DGKG: variants seen among roughly 807,000 people sequenced by gnomAD.
DGKG encodes the protein diacylglycerol kinase gamma.
DGKG carries 78 observed loss-of-function variants against 105.3 expected under a neutral mutation model. The observed-to-expected ratio is 0.74, with a 90% CI of 0.62 to 0.89. The LOEUF (loss-of-function observed/expected upper bound fraction) is 0.89, where lower values mean the gene tolerates loss of function less well. Among genes scored for constraint, DGKG ranks in the 40% least tolerant of loss-of-function variants. DGKG has a pLI of 0.00. For synonymous variants in DGKG, 346 were observed against 367.1 expected (o/e 0.94, Z 0.66); for missense variants, 958 against 1,020.1 (o/e 0.94, Z 0.83).
chr3:186,327,777 A>G (rs1344751237), intron 1 of DGKG, among the ~76,000 whole-genome samples: 1 of 151,970 alleles, frequency 6.6e-6, no homozygotes, highest in Non-Finnish European at 1.5e-5. Flanking sequence ...TTTTTCACCA[A>G]TCAATACATC....
In DGKG at chr3:186,215,526, A is replaced by G. The variant is rs947536940; in HGVS notation, c.1827-3641T>C. Among the ~76,000 whole-genome samples the G allele has an allele frequency of 6.6e-5, 10 of 152,136 alleles. No homozygotes were observed. The South Asian group carries it at 2.1e-3, about 32-fold the overall frequency. On this transcript the variant is annotated intron_variant, in intron 20 of 24. Coordinates refer to ENST00000265022, the MANE Select transcript of DGKG (RefSeq NM_001346.3). ...ATCAGACTTAGGTTTTTTAAAGATCATTCTGTTCCATGTGTGGAGAAGGGA... is the reference window on the plus strand; with the variant it reads ...ATCAGACTTAGGTTTTTTAAAGATCGTTCTGTTCCATGTGTGGAGAAGGGA...
chr3:186,201,139 GT>G (rs1291143805), intron 21 of DGKG, among the ~76,000 whole-genome samples: 1 of 151,802 alleles, frequency 6.6e-6, no homozygotes, highest in Non-Finnish European at 1.5e-5. Context: ...CTCCCCAGGT[GT>G]TTTTTTCTCT....
rs747526080 is a variant in DGKG, at chr3:186,188,333, A to G, written c.1964T>C (p.Ile655Thr). Residue 655 changes from isoleucine to threonine, a missense_variant, in exon 22 of 25, where the codon ATT (isoleucine) becomes ACT (threonine). Around this residue, in one of 2 missense-constraint regions of DGKG, gnomAD observed 315 missense variants for 400.6 expected, o/e 0.79. Coordinates refer to ENST00000265022, the MANE Select transcript of DGKG (RefSeq NM_001346.3). ...CATGCTGGGAATGTTGAGAATGGCAATGCCTTCCAGGAAGATGTTGCTCAG... is the reference window on the plus strand; with the variant it reads ...CATGCTGGGAATGTTGAGAATGGCAGTGCCTTCCAGGAAGATGTTGCTCAG... ...VDLSNIFLEG[I>T]AILNIPSMYG... 1.2e-6 allele frequency: 2 copies of G among 1,614,126 alleles called. No individual in the cohort carries two copies. The highest frequency in any genetic ancestry group is 2.2e-5 in the East Asian group (1 of 44,882).
At chr3:186,154,492 A>T (rs1007942334) in intron 24 of DGKG, among the ~76,000 whole-genome samples, 5 of 151,974 alleles carry the variant, frequency 3.3e-5, no homozygotes, top group African/African-American at 9.7e-5. Context: ...AAAAAATACA[A>T]AAATTAGCCA....
Position 186,188,266 on chromosome 3 carries a change from C to T in DGKG, c.2031G>A (p.Arg677=). Residue 677 remains arginine (R), a synonymous_variant, in exon 22 of 25, where the codon CGG becomes CGA. Coordinates refer to ENST00000265022, the MANE Select transcript of DGKG (RefSeq NM_001346.3). The part of the protein sequence containing the change: ...TNLWGENKKN[R]AVIRESRKGV... ...CCTTCCTGCTTTCCCGGATCACAGC[C>T]CGGTTCTTCTTGTTTTCTCCCCAGA... 6.2e-7 allele frequency: 1 copy of T among 1,614,140 alleles called. No individual in the cohort carries two copies. Among genetic ancestry groups the T allele is most frequent in the Admixed American group, 1.7e-5 (1 of 60,022 alleles).
intron 20 of DGKG, among the ~76,000 whole-genome samples, chr3:186,232,158 T>C (rs548365795): frequency 6.6e-6 from 1 of 152,326 alleles, no homozygotes; most frequent in South Asian, 2.1e-4. Context: ...GGTAATGGTA[T>C]CTTTAAAACA....
At chr3:186,235,215 T>C (rs1232455479) in intron 20 of DGKG, among the ~76,000 whole-genome samples, 2 of 152,208 alleles carry the variant, frequency 1.3e-5, no homozygotes, top group Admixed American at 6.5e-5. Context: ...GCACAAAACA[T>C]AAGGTTTGTA....
intron 24 of DGKG, among the ~76,000 whole-genome samples, chr3:186,152,450 G>A (rs1715807120): frequency 6.6e-6 from 1 of 151,800 alleles, no homozygotes; most frequent in Non-Finnish European, 1.5e-5. Context: ...CCTGTGGTCA[G>A]CCTTCTCTCA....
At chr3:186,344,899 A>G (rs1052584497) in intron 1 of DGKG, among the ~76,000 whole-genome samples, 2 of 152,214 alleles carry the variant, frequency 1.3e-5, no homozygotes, top group South Asian at 2.1e-4. Context: ...AATAAATTTT[A>G]TTATGTGCTT....
In DGKG at chr3:186,223,011, CTATATATA is replaced by C. The variant is rs55753193; in HGVS notation, c.1827-11134_1827-11127del. Among the ~76,000 whole-genome samples, 26 of 80,524 alleles carry C rather than the reference CTATATATA, an allele frequency of 3.2e-4. 3 individuals are homozygous for C. The East Asian group carries it at 7.2e-3, about 22-fold the overall frequency. 52.8% of individuals were successfully genotyped at this position (80,524 alleles called of 152,430 possible). A position where few individuals can be genotyped will look rare whatever the true frequency, so the allele number is the denominator to read the frequency against. On this transcript the variant is annotated intron_variant, in intron 20 of 24. Coordinates refer to ENST00000265022, the MANE Select transcript of DGKG (RefSeq NM_001346.3). ...AAGAATACACACACGTGTATGTATA[CTATATATA>C]TATATATATATATATGTCTCATGAT...
chr3:186,320,552 G>C lies in DGKG; in HGVS notation c.-93C>G. On this transcript the variant is annotated 5_prime_UTR_variant, in exon 2 of 25. Transcript: ENST00000265022. ...CCAGCCCAGGGCCTGGCTCATTGCA[G>C]GTTTGCGATGTAAGCCTTTCAGGAG... 1 of 1,601,662 alleles carries C rather than the reference G, an allele frequency of 6.2e-7. No homozygotes were observed. The highest frequency in any genetic ancestry group is 8.5e-7 in the Non-Finnish European group (1 of 1,173,084).
chr3:186,198,826 C>G (rs1718306522), intron 21 of DGKG, among the ~76,000 whole-genome samples: 1 of 152,196 alleles, frequency 6.6e-6, no homozygotes, highest in Non-Finnish European at 1.5e-5. Flanking sequence ...GGGCAAACAA[C>G]AATATCTGTT....
At chr3:186,245,394 A>G (rs1320060078) in intron 19 of DGKG, among the ~76,000 whole-genome samples, 1 of 152,210 alleles carries the variant, frequency 6.6e-6, no homozygotes, top group Non-Finnish European at 1.5e-5. Flanking sequence ...GATTAAAAAG[A>G]GAGTCGAGAT....
intron 11 of DGKG, among the ~76,000 whole-genome samples, chr3:186,269,261 C>T (rs1448477149): frequency 6.6e-6 from 1 of 152,368 alleles, no homozygotes; most frequent in African/African-American, 2.4e-5. Flanking sequence ...TATGCGCCCT[C>T]TTCTGGAAGG....
chr3:186,198,069 A>G (rs895401482), intron 21 of DGKG, among the ~76,000 whole-genome samples: 4 of 152,228 alleles, frequency 2.6e-5, no homozygotes, highest in African/African-American at 9.7e-5. Flanking sequence ...AGTTCCTGGC[A>G]TGTCTTACCC....
At position 186,276,822 on chromosome 3, in the gene DGKG, G is replaced by A. The variant is rs1722610487; in HGVS notation, c.793-1158C>T. 2.0e-5 allele frequency among the ~76,000 whole-genome samples: 3 copies of A among 152,364 alleles called. No individual in the cohort carries two copies. The East Asian group carries it at 5.8e-4, about 29-fold the overall frequency. ...TCAGTAAAAGCTACGGTAAGGTGAT[G>A]AGGATCGATGGTCATGGATGTAGTG... On this transcript the variant is annotated intron_variant, in intron 9 of 24. Coordinates refer to ENST00000265022, the MANE Select transcript of DGKG (RefSeq NM_001346.3).
At chr3:186,239,823 G>T (rs960544010) in intron 20 of DGKG, among the ~76,000 whole-genome samples, 1 of 152,014 alleles carries the variant, frequency 6.6e-6, no homozygotes, top group Non-Finnish European at 1.5e-5. Context: ...ATAGGATCTC[G>T]GAAGGGAGAA....
Position 186,251,057 on chromosome 3 carries a change from A to G in DGKG, c.1761+702T>C, listed in dbSNP as rs1578727208. On this transcript the variant is annotated intron_variant, in intron 19 of 24. Coordinates refer to ENST00000265022, the MANE Select transcript of DGKG (RefSeq NM_001346.3). ...GATGTGCTGGGGCTAGTGGGTGAAA[A>G]AGGAACAGAGTGCTGTCCTTGCACT... 6.6e-5 allele frequency among the ~76,000 whole-genome samples: 10 copies of G among 152,166 alleles called. No individual in the cohort carries two copies. The South Asian group carries it at 2.1e-3, about 32-fold the overall frequency.
chr3:186,270,979 A>T (rs551332086), intron 11 of DGKG, among the ~76,000 whole-genome samples: 2 of 152,334 alleles, frequency 1.3e-5, no homozygotes, highest in South Asian at 4.1e-4. Flanking sequence ...AGGCATGGAC[A>T]TGGAGCAGGG....
Sources: gnomAD v4.1 joint callset for allele counts (sites outside exome capture counted in the v4.1 genomes callset) on GRCh38, gnomAD v4.1.1 for gene constraint, gnomAD v4.1.1 regional missense constraint, MANE v1.5 for transcripts, NCBI Gene and HGNC (gene_info 2026-07-23, HGNC 2026-07-21) for gene names.